KIAA1549L: variants seen among roughly 807,000 people sequenced by gnomAD.
KIAA1549L encodes the protein UPF0606 protein KIAA1549L.
KIAA1549L carries 88 observed loss-of-function variants against 160.7 expected under a neutral mutation model. The ratio of observed to expected loss-of-function variants is 0.55; its 90% CI spans 0.46 to 0.65. The LOEUF is 0.65. Among genes scored for constraint, KIAA1549L ranks in the 30% least tolerant of loss-of-function variants. KIAA1549L has a pLI of 0.00. For missense variants in KIAA1549L, 2,258 were observed against 2,437.5 expected (o/e 0.93, Z 1.55); for synonymous variants, 950 against 976.7 (o/e 0.97, Z 0.51).
In KIAA1549L at chr11:33,574,975, C is replaced by T. The variant is rs1316528669; in HGVS notation, c.4402+102C>T. The T allele has an allele frequency of 3.0e-6, 3 of 991,746 alleles. No individual in the cohort carries two copies. The African/African-American group carries it at 4.8e-5, about 16-fold the overall frequency. The allele number at this position is 991,746 out of a possible 1,614,324, so 61.4% of individuals were successfully genotyped here. On this transcript the variant is annotated intron_variant, in intron 10 of 20. Transcript: ENST00000658780. ...TCATGTTAATGGTCTCAGAGCTAAA[C>T]ATATTTGTATTCTGGAAGGTTCTTA...
chr11:33,660,455 C>T (rs1473136710), intron 19 of KIAA1549L, among the ~76,000 whole-genome samples: 1 of 152,162 alleles, frequency 6.6e-6, no homozygotes, highest in East Asian at 1.9e-4. Context: ...GTTCCAGTTA[C>T]TCAGGAGGCT....
chr11:33,403,107 T>C (rs987627290), intron 1 of KIAA1549L: 10 of 151,542 alleles, frequency 6.6e-5, no homozygotes, highest in African/African-American at 1.9e-4. Context: ...CCTAGGGTAG[T>C]CTCTTCTAAA....
rs1450535031 is a variant in KIAA1549L at position 33,376,847 on chromosome 11, C to T, written c.196C>T (p.Leu66=). Residue 66 remains leucine, a synonymous_variant, in exon 1 of 21, where the codon CTG becomes TTG. Coordinates refer to ENST00000658780, the MANE Select transcript of KIAA1549L (RefSeq NM_012194.3). This position sits in a 1 kb window ranked among gnomAD's most constrained non-coding sequence, Gnocchi z 5.8. ...PRPPTLLLGL[L]LLAALLEHGQ... Reference sequence around the variant, plus strand: ...GCCACCGACGCTGCTGCTGGGACTTCTGCTGCTGGCGGCCCTCCTGGAGCA... The same window carrying T: ...GCCACCGACGCTGCTGCTGGGACTTTTGCTGCTGGCGGCCCTCCTGGAGCA... 3 of 152,350 alleles carry T rather than the reference C, an allele frequency of 2.0e-5. No homozygotes were observed. The highest frequency in any genetic ancestry group is 7.2e-5 in the African/African-American group (3 of 41,452). The allele number at this position is 152,350 out of a possible 1,614,324, so 9.4% of individuals were successfully genotyped here.
At chr11:33,381,839 G>A (rs1850079506) in intron 1 of KIAA1549L, among the ~76,000 whole-genome samples, 1 of 152,180 alleles carries the variant, frequency 6.6e-6, no homozygotes, top group Admixed American at 6.5e-5. Flanking sequence ...GAATTATCTG[G>A]TGGATTAAAA....
intron 13 of KIAA1549L, among the ~76,000 whole-genome samples, chr11:33,602,957 A>G (rs1850402181): frequency 6.6e-6 from 1 of 152,200 alleles, no homozygotes; most frequent in African/African-American, 2.4e-5. Flanking sequence ...TTCCTGTCCC[A>G]TTAATGCTAT....
chr11:33,403,296 CACACGCATACACGG>C (rs1850553544), intron 1 of KIAA1549L: 1 of 82,938 alleles, frequency 1.2e-5, no homozygotes, highest in African/African-American at 5.0e-5. Flanking sequence ...CACACACACA[CACACGCATACACGG>C]ACACAGACAC....
rs1852559678 is a variant in KIAA1549L at position 33,668,395 on chromosome 11, C to T, written c.*241C>T. 1 of 554,860 alleles carries T rather than the reference C, an allele frequency of 1.8e-6. No individual in the cohort carries two copies. The highest frequency in any genetic ancestry group is 3.1e-5 in the Admixed American group (1 of 32,242). The allele number at this position is 554,860 out of a possible 1,614,324, so 34.4% of individuals were successfully genotyped here. A position where few individuals can be genotyped will look rare whatever the true frequency, so the allele number is the denominator to read the frequency against. ...TGGGGCCTTATGTTTGATACTCTCTCATGTCAAATGTTTGAACTTTGGGCA... is the reference window on the plus strand; with the variant it reads ...TGGGGCCTTATGTTTGATACTCTCTTATGTCAAATGTTTGAACTTTGGGCA... On this transcript the variant is annotated 3_prime_UTR_variant, in exon 21 of 21. Coordinates refer to ENST00000658780, the MANE Select transcript of KIAA1549L (RefSeq NM_012194.3).
chr11:33,434,915 G>A (rs1200869184), intron 1 of KIAA1549L, among the ~76,000 whole-genome samples: 1 of 152,158 alleles, frequency 6.6e-6, no homozygotes, highest in Non-Finnish European at 1.5e-5. Context: ...TAAGTCCAGT[G>A]TGTTTGAAAG....
At position 33,660,950 on chromosome 11, in the gene KIAA1549L, A is replaced by G. The variant is rs748120823; in HGVS notation, c.6095A>G (p.Tyr2032Cys). The G allele has an allele frequency of 3.7e-6, 6 of 1,613,298 alleles. No individual in the cohort carries two copies. Among genetic ancestry groups the G allele is most frequent in the Admixed American group, 1.7e-5 (1 of 59,950 alleles). The change falls in exon 20 of 21, where the codon TAT becomes TGT. Residue 2032 changes from tyrosine (Y) to cysteine (C), a missense_variant. Physicochemically the swap from Tyr to Cys is radical, Grantham distance 194 (BLOSUM62 -2). Coordinates refer to ENST00000658780, the MANE Select transcript of KIAA1549L (RefSeq NM_012194.3). The stretch of plus-strand genomic sequence containing the variant: ...TTCATCCCAACGCCTCCCTCATCCT[A>G]TAGGAACCAGGCCTGGATGTCCTAT... ...GYFIPTPPSS[Y>C]RNQAWMSYAG...
chr11:33,606,816 C>T lies in KIAA1549L; in HGVS notation c.5055C>T (p.Asn1685=), dbSNP rs375293606. ...GCCAGGAGTCATCGGCAGTCCTCAA[C>T]GGCGAGGTAAGTGCCTGGAGACCCA... ...DRSQESSAVL[N]GEVNKALKQK... is the part of the protein sequence containing the mutation. The change falls in exon 14 of 21, where the codon AAC becomes AAT. Residue 1685 remains asparagine, a synonymous_variant. Transcript: ENST00000658780. The T allele has an allele frequency of 1.1e-4, 174 of 1,602,728 alleles. No individual in the cohort carries two copies. Among genetic ancestry groups the T allele is most frequent in the East Asian group, 8.8e-4 (39 of 44,494 alleles).
intron 17 of KIAA1549L, among the ~76,000 whole-genome samples, chr11:33,652,382 G>A (rs1047519218): frequency 2.0e-5 from 3 of 152,100 alleles, no homozygotes; most frequent in Non-Finnish European, 2.9e-5. Context: ...TGTGTGGCTC[G>A]CTGTCCTGGG....
At chr11:33,422,005 C>T (rs1400755618) in intron 1 of KIAA1549L, among the ~76,000 whole-genome samples, 1 of 152,112 alleles carries the variant, frequency 6.6e-6, no homozygotes, top group Non-Finnish European at 1.5e-5. Context: ...GAGAATCACC[C>T]TCCTCAAGTA....
At chr11:33,450,588 C>CAAAAAAAAAA (rs67651212) in intron 1 of KIAA1549L, 3 of 149,510 alleles carry the variant, frequency 2.0e-5, no homozygotes, top group Admixed American at 6.7e-5. Context: ...ACAACAACAA[C>CAAAAAAAAAA]AAAAAAGAAA....
intron 1 of KIAA1549L, among the ~76,000 whole-genome samples, chr11:33,495,083 T>TTTATTATTATTATTATTATTATTATTA (rs367711015): frequency 6.6e-6 from 1 of 151,898 alleles, no homozygotes; most frequent in African/African-American, 2.4e-5. Flanking sequence ...CATTTGCTAC[T>TTTATTATTATTATTATTATTATTATTA]TTATTATTAT....
chr11:33,512,543 C>T (rs1018655269), intron 1 of KIAA1549L, among the ~76,000 whole-genome samples: 2 of 152,124 alleles, frequency 1.3e-5, no homozygotes, highest in Admixed American at 1.3e-4. Context: ...CGACTTCAGC[C>T]TCTGGAGTAG....
chr11:33,594,000 A>G (rs1388802526), intron 12 of KIAA1549L, among the ~76,000 whole-genome samples: 1 of 152,172 alleles, frequency 6.6e-6, no homozygotes, highest in East Asian at 1.9e-4. Context: ...ATGGGGAAGG[A>G]TCAACAAAGA....
At chr11:33,432,061 C>G (rs2615898) in intron 1 of KIAA1549L, among the ~76,000 whole-genome samples, 38,390 of 152,138 alleles carry the variant, frequency 0.25, 5,109 homozygotes, top group East Asian at 0.33. Context: ...CAAGCCCACG[C>G]CCACCCGGAA....
At chr11:33,634,864 T>C (rs1180555500) in intron 16 of KIAA1549L, among the ~76,000 whole-genome samples, 1 of 152,200 alleles carries the variant, frequency 6.6e-6, no homozygotes, top group Non-Finnish European at 1.5e-5. Context: ...CATGCTGTCC[T>C]CACATCCTCA....
At chr11:33,381,488 A>G (rs1022074845) in intron 1 of KIAA1549L, among the ~76,000 whole-genome samples, 6 of 152,212 alleles carry the variant, frequency 3.9e-5, no homozygotes, top group Non-Finnish European at 7.3e-5. Flanking sequence ...ATGCCAATGT[A>G]GAATTGAATG....
Sources: gnomAD v4.1 joint callset for allele counts (sites outside exome capture counted in the v4.1 genomes callset) on GRCh38, gnomAD v4.1.1 for gene constraint, Gnocchi (gnomAD v3.1) non-coding constraint, MANE v1.5 for transcripts, NCBI Gene and HGNC (gene_info 2026-07-23, HGNC 2026-07-21) for gene names.